The following FAT1 variants were observed in gnomAD, a reference collection of about 807,000 sequenced individuals.
FAT1 encodes the protein protocadherin Fat 1.
FAT1 carries 171 observed loss-of-function variants against 329.8 expected under a neutral mutation model. The observed-to-expected ratio is 0.52, with a 90% CI of 0.46 to 0.59. FAT1 has a LOEUF of 0.59. Ranked by LOEUF, FAT1 falls within the 20% of genes least tolerant of loss-of-function variation. The pLI is 0.00. For synonymous variants in FAT1, 2,233 were observed against 2,228.6 expected (o/e 1.00, Z -0.06); for missense variants, 5,672 against 5,774.4 (o/e 0.98, Z 0.57).
rs528848745 is a variant in FAT1 at position 186,596,229 on chromosome 4, G to T, written c.13000+311C>A. Among the ~76,000 whole-genome samples, 1 of 151,990 alleles carries T rather than the reference G, an allele frequency of 6.6e-6. No individual in the cohort carries two copies. Among genetic ancestry groups the T allele is most frequent in the East Asian group, 1.9e-4 (1 of 5,180 alleles). On this transcript the variant is annotated intron_variant, in intron 25 of 26. Coordinates refer to ENST00000441802, the MANE Select transcript of FAT1 (RefSeq NM_005245.4). The surrounding 1 kb of genome is among the most constrained non-coding windows in gnomAD (Gnocchi z 4.7). The stretch of plus-strand genomic sequence containing the variant: ...AAAATCCTAGCATGAAAATGCTCCC[G>T]ATTATTTTTTTGACATATTAATAAA...
Position 186,620,743 on chromosome 4 carries a change from T to C in FAT1, c.5843A>G (p.Tyr1948Cys), listed in dbSNP as rs2126518630. 8 of 1,614,054 alleles carry C rather than the reference T, an allele frequency of 5.0e-6. No homozygotes were observed. The highest frequency in any genetic ancestry group is 6.8e-6 in the Non-Finnish European group (8 of 1,179,898). ...VQNTTQLRSR[Y>C]ELTVRASDGR... ...ATCGGAAGCTCTAACGGTTAGCTCG[T>C]AGCGGCTTCTTAACTGAGTTGTGTT... The change falls in exon 10 of 27, where the codon TAC becomes TGC. Residue 1948 changes from tyrosine (Y) to cysteine (C), a missense_variant. Physicochemically the swap from Tyr to Cys is radical, Grantham distance 194 (BLOSUM62 -2). Transcript: ENST00000441802.
At chr4:186,724,655 C>T (rs942752343), upstream of FAT1, among the ~76,000 whole-genome samples, 423 of 152,292 alleles carry the variant, frequency 2.8e-3, 4 homozygotes, top group African/African-American at 0.01. This position sits in a 1 kb window ranked among gnomAD's most constrained non-coding sequence, Gnocchi z 5.3. Flanking sequence ...ACTCCCCGCG[C>T]CGGGCGCCCA....
In FAT1 at chr4:186,620,733, G is replaced by A. The variant is rs201416427; in HGVS notation, c.5853C>T (p.Thr1951=). The change falls in exon 10 of 27, where the codon ACC becomes ACT. Residue 1951 remains threonine, a synonymous_variant. Coordinates refer to ENST00000441802, the MANE Select transcript of FAT1 (RefSeq NM_005245.4). ...CAAATCTGCCATCGGAAGCTCTAAC[G>A]GTTAGCTCGTAGCGGCTTCTTAACT... ...TTQLRSRYEL[T]VRASDGRFAG... 1.4e-5 allele frequency: 23 copies of A among 1,613,890 alleles called. No homozygotes were observed. The highest frequency in any genetic ancestry group is 3.3e-4 in the Middle Eastern group (2 of 6,082).
chr4:186,717,169 CTA>C (rs1200812131), intron 1 of FAT1, among the ~76,000 whole-genome samples: 1 of 145,114 alleles, frequency 6.9e-6, no homozygotes, highest in Non-Finnish European at 1.5e-5. Flanking sequence ...AAAAAACTCT[CTA>C]TTTTTCTAGT....
intron 16 of FAT1, among the ~76,000 whole-genome samples, chr4:186,608,346 T>C (rs973785041): frequency 6.6e-6 from 1 of 152,212 alleles, no homozygotes; most frequent in Non-Finnish European, 1.5e-5. Flanking sequence ...CAATGCAATG[T>C]AAATGGTTGT....
In FAT1 at chr4:186,603,865, G is replaced by A. The variant is rs768202106; in HGVS notation, c.10661C>T (p.Ser3554Phe). The A allele has an allele frequency of 1.2e-6, 2 of 1,613,906 alleles. No individual in the cohort carries two copies. Among genetic ancestry groups the A allele is most frequent in the Non-Finnish European group, 1.7e-6 (2 of 1,179,840 alleles). Residue 3554 changes from serine (S) to phenylalanine (F), a missense_variant, in exon 19 of 27, where the codon TCT (serine) becomes TTT (phenylalanine). Ser to Phe is a radical substitution (Grantham distance 155). Around this residue, in one of 2 missense-constraint regions of FAT1, gnomAD observed 1,706 missense variants for 1,859.1 expected, o/e 0.92. Coordinates refer to ENST00000441802, the MANE Select transcript of FAT1 (RefSeq NM_005245.4). ...GCCACCTGAGTATTCTTCTCCAGAA[G>A]AGGTGATGAAAATCTCCAGGGGCAA... Reference protein sequence around the residue: ...AILPLEIFITSSGEEYSGGVI... With the variant: ...AILPLEIFITFSGEEYSGGVI...
At chr4:186,606,239 C>T (rs750708906) in intron 16 of FAT1, 26 bp from the exon 17 acceptor site, 23 of 1,611,384 alleles carry the variant, frequency 1.4e-5, no homozygotes, top group African/African-American at 2.7e-5. Flanking sequence ...ACAGAATGCA[C>T]GTTCATTTTC....
Position 186,620,627 on chromosome 4 carries a change from C to T in FAT1, c.5959G>A (p.Val1987Ile), listed in dbSNP as rs201173180. Residue 1987 changes from valine to isoleucine, a missense_variant, in exon 10 of 27, where the codon GTA becomes ATA. Val to Ile is a conservative substitution (Grantham distance 29). Coordinates refer to ENST00000441802, the MANE Select transcript of FAT1 (RefSeq NM_005245.4). ...GCCTCGGTGGAATTCTCTTTCACTA[C>T]CGCAGAGTAGACATCCTGGGTAAAC... ...LKFTQDVYSA[V>I]VKENSTEAET... is the part of the protein sequence containing the mutation. The T allele has an allele frequency of 3.1e-6, 5 of 1,613,882 alleles. No homozygotes were observed. Among genetic ancestry groups the T allele is most frequent in the East Asian group, 2.2e-5 (1 of 44,896 alleles).
intron 3 of FAT1, among the ~76,000 whole-genome samples, chr4:186,657,727 TAAG>T (rs921416484): frequency 2.0e-5 from 3 of 152,180 alleles, no homozygotes; most frequent in African/African-American, 7.2e-5. Flanking sequence ...AACATACAGA[TAAG>T]AGAGCAAGAC....
rs1277825339 is a variant in FAT1 at position 186,636,910 on chromosome 4, G to T, written c.3647C>A (p.Thr1216Asn). 1 of 1,595,764 alleles carries T rather than the reference G, an allele frequency of 6.3e-7. No individual in the cohort carries two copies. Among genetic ancestry groups the T allele is most frequent in the Non-Finnish European group, 8.5e-7 (1 of 1,173,628 alleles). The change falls in exon 5 of 27, where the codon ACT (threonine) becomes AAT (asparagine). Residue 1216 changes from threonine (T) to asparagine (N), a missense_variant. Thr to Asn is a moderately conservative substitution (Grantham distance 65). Transcript: ENST00000441802. The stretch of plus-strand genomic sequence containing the variant: ...GGGGGGACTACCATTGTCTGTCACA[G>T]TAACCTGTTTTTTTAAAGTTAACAG... ...EQQDEHILEVTVTDNGSPPKS... is the reference protein window; with the variant it reads ...EQQDEHILEVNVTDNGSPPKS...
rs1193923060 is a variant in FAT1 at position 186,639,702 on chromosome 4, A to C, written c.3642+20T>G. On this transcript the variant is annotated intron_variant, in intron 4 of 26. Transcript: ENST00000441802. The stretch of plus-strand genomic sequence containing the variant: ...TGTAACTACGAATCTTTAAGTATTA[A>C]AGATAAAAAAAAAACTTACCTCTAA... 1.9e-6 allele frequency: 3 copies of C among 1,560,542 alleles called. No homozygotes were observed. The highest frequency in any genetic ancestry group is 2.7e-5 in the African/African-American group (2 of 72,816).
chr4:186,607,353 GGATGGATGC>G (rs1739193906), intron 16 of FAT1, among the ~76,000 whole-genome samples: 2 of 152,012 alleles, frequency 1.3e-5, no homozygotes, highest in South Asian at 4.2e-4. Context: ...ATGGATGAAT[GGATGGATGC>G]ATAGATGGGT....
In FAT1 at chr4:186,611,747, C is replaced by G. The variant is rs1739457759; in HGVS notation, c.9492G>C (p.Leu3164=). Residue 3164 remains leucine (L), a synonymous_variant, in exon 14 of 27, where the codon CTG becomes CTC. Transcript: ENST00000441802. ...AGAACTGCCCATCAGCAGAGTCAAT[C>G]AGTGAGTATAAAATCTTCCGATTTA... ...AGLNRKILYS[L]IDSADGQFSI... 6.3e-7 allele frequency: 1 copy of G among 1,580,786 alleles called. No individual in the cohort carries two copies. Among genetic ancestry groups the G allele is most frequent in the Non-Finnish European group, 8.6e-7 (1 of 1,162,290 alleles).
In FAT1 at chr4:186,614,225, T is replaced by G. The variant is rs551624791; in HGVS notation, c.9195A>C (p.Ser3065=). 1.4e-5 allele frequency: 22 copies of G among 1,601,262 alleles called. No homozygotes were observed. Among genetic ancestry groups the G allele is most frequent in the Non-Finnish European group, 1.8e-5 (21 of 1,176,180 alleles). ...NAEITYTLLG[S]GAEKFKLNPD... ...GATTTAGTTTGAATTTTTCTGCACC[T>G]GAACCCAATAACGTGTAAGTAATTT... is the stretch of plus-strand genomic sequence containing the variant. Residue 3065 remains serine, a synonymous_variant, in exon 12 of 27, where the codon TCA becomes TCC. Transcript: ENST00000441802.
At chr4:186,693,073 T>C (rs1328336585) in intron 2 of FAT1, among the ~76,000 whole-genome samples, 1 of 152,198 alleles carries the variant, frequency 6.6e-6, no homozygotes, top group Non-Finnish European at 1.5e-5. Context: ...CTGCTTACGT[T>C]CTAGTTTAAA....
chr4:186,664,056 C>T (rs1742315160), intron 2 of FAT1, among the ~76,000 whole-genome samples: 1 of 152,084 alleles, frequency 6.6e-6, no homozygotes, highest in Admixed American at 6.6e-5. Flanking sequence ...AGGGACAACA[C>T]CAGAGCCATG....
chr4:186,699,313 T>C (rs1424333768), intron 2 of FAT1, among the ~76,000 whole-genome samples: 1 of 152,116 alleles, frequency 6.6e-6, no homozygotes, highest in African/African-American at 2.4e-5. Flanking sequence ...AAAGACTGTA[T>C]TAGTAGACTC....
At chr4:186,664,505 C>A (rs1321628580) in intron 2 of FAT1, among the ~76,000 whole-genome samples, 6 of 152,162 alleles carry the variant, frequency 3.9e-5, no homozygotes, top group Non-Finnish European at 8.8e-5. Context: ...AACTAGGATA[C>A]ATTTCTTAGT....
In FAT1 at chr4:186,706,936, G is replaced by A. The variant is rs761817598; in HGVS notation, c.2892C>T (p.Tyr964=). Reference sequence around the variant, plus strand: ...TTCCTTCTCCGTGGTCCAGAAGGCTGTATCTCACCTGACCAGACTGACCTA... The same window carrying A: ...TTCCTTCTCCGTGGTCCAGAAGGCTATATCTCACCTGACCAGACTGACCTA... ...PDLGQSGQVR[Y]SLLDHGEGNF... The change falls in exon 2 of 27, where the codon TAC becomes TAT. Residue 964 remains tyrosine (Y), a synonymous_variant. Transcript: ENST00000441802. 5 of 1,614,016 alleles carry A rather than the reference G, an allele frequency of 3.1e-6. No individual in the cohort carries two copies. The South Asian group carries it at 3.3e-5, about 11-fold the overall frequency.
Sources: allele counts gnomAD v4.1 joint callset (sites outside exome capture counted in the v4.1 genomes callset), GRCh38; gene constraint gnomAD v4.1.1; regional missense constraint gnomAD v4.1.1; non-coding constraint Gnocchi (gnomAD v3.1); transcripts MANE v1.5; gene names NCBI Gene and HGNC (gene_info 2026-07-23, HGNC 2026-07-21).